TRA2A: variants seen among roughly 807,000 people sequenced by gnomAD.
TRA2A encodes transformer 2 alpha homolog.
In TRA2A, 31 loss-of-function variants were observed where a neutral mutation model predicts 45.7. The observed-to-expected ratio is 0.68, with a 90% confidence interval of 0.51 to 0.92. TRA2A has a LOEUF of 0.92. Among genes scored for constraint, TRA2A ranks in the 40% least tolerant of loss-of-function variants. The pLI is 0.00. For synonymous variants in TRA2A, 132 were observed against 126.2 expected (o/e 1.05, Z -0.31); for missense variants, 304 against 367.5 (o/e 0.83, Z 1.41).
At chr7:23,526,899 A>G (rs1790362491) in intron 1 of TRA2A, among the ~76,000 whole-genome samples, 1 of 152,138 alleles carries the variant, frequency 6.6e-6, no homozygotes, top group Non-Finnish European at 1.5e-5. Flanking sequence ...TAAATACATG[A>G]TTTAGTAACT....
At chr7:23,512,808 G>A in intron 4 of TRA2A, 86 bp downstream of exon 4, 8 of 1,036,960 alleles carry the variant, frequency 7.7e-6, no homozygotes, top group South Asian at 2.2e-5. Context: ...AAGAAAAAAG[G>A]ATGCAATGTT....
intron 2 of TRA2A, among the ~76,000 whole-genome samples, chr7:23,520,683 ATTTTTT>A (rs11346990): frequency 7.7e-6 from 1 of 129,724 alleles, no homozygotes; most frequent in African/African-American, 2.9e-5. Flanking sequence ...GCTGTTTTAA[ATTTTTT>A]TTTTTTTTTT....
chr7:23,521,414 T>G (rs1790129478), intron 2 of TRA2A, among the ~76,000 whole-genome samples: 1 of 152,180 alleles, frequency 6.6e-6, no homozygotes, highest in South Asian at 2.1e-4. Context: ...ATCCAATATA[T>G]TAATTGGGCT....
At chr7:23,513,129 CAAAG>C in intron 3 of TRA2A, 47 bp from the exon 4 acceptor site, 1 of 1,348,600 alleles carries the variant, frequency 7.4e-7, no homozygotes. Flanking sequence ...AAATCAAAAT[CAAAG>C]AAACACAGAA....
Position 23,507,383 on chromosome 7 carries a change from G to A in TRA2A, c.641+37C>T, listed in dbSNP as rs748739173. The A allele has an allele frequency of 6.5e-6, 10 of 1,532,576 alleles. No individual in the cohort carries two copies. In the South Asian group the frequency reaches 1.1e-4, roughly 18 times the overall value. The allele number at this position is 1,532,576 out of a possible 1,614,324, so 94.9% of individuals were successfully genotyped here. ...CAAAATTTTGCACATATTTCTGGTG[G>A]ATTTCATAGTTTAGCTTAGGAAACT... On this transcript the variant is annotated intron_variant, in intron 5 of 7. Transcript: ENST00000297071.
chr7:23,506,352 G>A (rs1584104228), intron 5 of TRA2A, 86 bp from the exon 6 acceptor site: 2 of 1,368,180 alleles, frequency 1.5e-6, no homozygotes. Flanking sequence ...TTAAAAAAGA[G>A]AAAAGTGAGG....
At chr7:23,530,013 C>T (rs754216450) in intron 1 of TRA2A, among the ~76,000 whole-genome samples, 2 of 151,998 alleles carry the variant, frequency 1.3e-5, no homozygotes, top group Non-Finnish European at 2.9e-5. Flanking sequence ...AGCAAGCAAA[C>T]AAGGTCCCTC....
In TRA2A at chr7:23,521,878, T is replaced by C. The variant is rs200224287; in HGVS notation, c.37-38A>G. On this transcript the variant is annotated intron_variant, in intron 1 of 7. Coordinates refer to ENST00000297071, the MANE Select transcript of TRA2A (RefSeq NM_013293.5). ...ACAGTATTACAAATGGCACTGGTCA[T>C]GTAGATGCCTAACACCTAACATTTA... 30 of 1,612,756 alleles carry C rather than the reference T, an allele frequency of 1.9e-5. No individual in the cohort carries two copies. The East Asian group carries it at 5.6e-4, about 30-fold the overall frequency.
At chr7:23,506,044 A>C in intron 6 of TRA2A, 94 bp downstream of exon 6, 1 of 1,147,656 alleles carries the variant, frequency 8.7e-7, no homozygotes. Flanking sequence ...CTATTTTAAA[A>C]ATCAAGTTTT....
At position 23,507,548 on chromosome 7, in the gene TRA2A, G is replaced by C; in HGVS notation, c.526-13C>G. ...CCCTTTCCATAGCCTATAAAGAACA[G>C]GCACAAAAAGTCACGTATAATTCAC... On this transcript the variant is annotated splice_polypyrimidine_tract_variant and intron_variant, in intron 4 of 7. Transcript: ENST00000297071. 1 of 1,581,148 alleles carries C rather than the reference G, an allele frequency of 6.3e-7. No individual in the cohort carries two copies.
intron 2 of TRA2A, among the ~76,000 whole-genome samples, chr7:23,521,487 C>G (rs1246563032): frequency 2.0e-5 from 3 of 152,190 alleles, no homozygotes; most frequent in East Asian, 3.8e-4. Context: ...GGCACCCAGG[C>G]TGTGGTGCAG....
At chr7:23,514,592 TTTTC>T (rs1789773492) in intron 3 of TRA2A, among the ~76,000 whole-genome samples, 1 of 152,020 alleles carries the variant, frequency 6.6e-6, no homozygotes, top group African/African-American at 2.4e-5. Flanking sequence ...CTCTCCTCCA[TTTTC>T]TTTCTTTTTT....
chr7:23,515,696 C>A (rs1789834850), intron 3 of TRA2A, among the ~76,000 whole-genome samples: 1 of 151,968 alleles, frequency 6.6e-6, no homozygotes. Context: ...CAGGCGTAAG[C>A]CACCACGCCT....
intron 3 of TRA2A, among the ~76,000 whole-genome samples, chr7:23,515,617 C>T (rs942872431): frequency 2.0e-5 from 3 of 152,032 alleles, no homozygotes; most frequent in African/African-American, 7.2e-5. Context: ...ACAATCTCGG[C>T]TCACTGCAAC....
chr7:23,522,527 G>C, intron 1 of TRA2A: 2 of 280,496 alleles, frequency 7.1e-6, no homozygotes, highest in Non-Finnish European at 1.1e-5. Context: ...GGAAAAGCCA[G>C]CAGGTAAAGT....
rs890545251 is a variant in TRA2A, at chr7:23,508,721, CTT to C, written c.526-1188_526-1187del. 2.4e-4 allele frequency among the ~76,000 whole-genome samples: 37 copies of C among 152,336 alleles called. No individual in the cohort carries two copies. The Middle Eastern group carries it at 0.01, about 42-fold the overall frequency. On this transcript the variant is annotated intron_variant, in intron 4 of 7. Transcript: ENST00000297071. ...ATGTTGGCCAGGATGGTCTCGATCTCTTGACCTTGTGATCCTCCTGCCTTGGC... is the reference window on the plus strand; with the variant it reads ...ATGTTGGCCAGGATGGTCTCGATCTCGACCTTGTGATCCTCCTGCCTTGGC...
At position 23,529,553 on chromosome 7, in the gene TRA2A, G is replaced by A. The variant is rs537220241; in HGVS notation, c.36+2236C>T. 1.7e-3 allele frequency among the ~76,000 whole-genome samples: 252 copies of A among 152,280 alleles called. 1 individual carries two copies. The highest frequency in any genetic ancestry group is 5.8e-3 in the African/African-American group (243 of 41,554). Reference sequence around the variant, plus strand: ...TTGGATTACAGGCGTGAGCCACTGCGCCCGGCCAGAAACGATTTTAAAAAG... The same window carrying A: ...TTGGATTACAGGCGTGAGCCACTGCACCCGGCCAGAAACGATTTTAAAAAG... On this transcript the variant is annotated intron_variant, in intron 1 of 7. Coordinates refer to ENST00000297071, the MANE Select transcript of TRA2A (RefSeq NM_013293.5).
intron 4 of TRA2A, among the ~76,000 whole-genome samples, chr7:23,508,396 T>C (rs1042101598): frequency 7.2e-5 from 11 of 151,954 alleles, no homozygotes; most frequent in African/African-American, 2.7e-4. Flanking sequence ...GTCTCCTAAG[T>C]AGCTAGGACC....
chr7:23,506,204 T>A lies in TRA2A; in HGVS notation c.704A>T (p.Asp235Val). The A allele has an allele frequency of 6.2e-7, 1 of 1,613,724 alleles. No homozygotes were observed. The highest frequency in any genetic ancestry group is 8.5e-7 in the Non-Finnish European group (1 of 1,179,760). ...ATCATATCCTCTATCATAGTAAGAA[T>A]CTCGACGTCTGCCACCACCTCCACC... ...GGGGGGGRRR[D>V]SYYDRGYDRG... Residue 235 changes from aspartate (D) to valine (V), a missense_variant, in exon 6 of 8, where the codon GAT becomes GTT. Around this residue, in one of 3 missense-constraint regions of TRA2A, gnomAD observed 130 missense variants for 217.1 expected, o/e 0.60. Coordinates refer to ENST00000297071, the MANE Select transcript of TRA2A (RefSeq NM_013293.5).
Sources: gnomAD v4.1 joint callset for allele counts (sites outside exome capture counted in the v4.1 genomes callset) on GRCh38, gnomAD v4.1.1 for gene constraint, gnomAD v4.1.1 regional missense constraint, MANE v1.5 for transcripts, NCBI Gene and HGNC (gene_info 2026-07-23, HGNC 2026-07-21) for gene names.